The following ARHGAP32 variants were observed in gnomAD, a reference collection of about 807,000 sequenced individuals.
ARHGAP32 encodes rho GTPase-activating protein 32.
Under a neutral mutation model 186.5 loss-of-function variants are expected in ARHGAP32, and 51 were observed. The observed-to-expected ratio is 0.27, with a 90% CI of 0.22 to 0.35. The LOEUF is 0.35. Among genes scored for constraint, ARHGAP32 ranks in the 10% least tolerant of loss-of-function variants. ARHGAP32 has a pLI of 1.00. For missense variants in ARHGAP32, 2,186 were observed against 2,623.5 expected (o/e 0.83, Z 3.64); for synonymous variants, 950 against 964.3 (o/e 0.99, Z 0.27).
intron 1 of ARHGAP32, among the ~76,000 whole-genome samples, chr11:129,272,007 T>G (rs1945479528): frequency 6.6e-6 from 1 of 152,088 alleles, no homozygotes; most frequent in African/African-American, 2.4e-5. Flanking sequence ...GAGGAAGAAG[T>G]CACTGGCAGG....
chr11:128,969,150 G>C lies in ARHGAP32; in HGVS notation c.6063C>G (p.Tyr2021Ter). ...TGCTCTGGCGCTTGCCGTGTGGTTG[G>C]TACTGGTACAGCACACTGGGGTCCC... ...VERDPSVLYQYQPHGKRQSSV... is the reference protein window; with the variant it reads ...VERDPSVLYQ The change falls in exon 23 of 23, where the codon TAC (tyrosine) becomes TAG (stop). Residue 2021 changes from tyrosine to a stop codon, truncating the protein, a stop_gained. Transcript: ENST00000682385. LOFTEE classifies it high-confidence loss of function. This position sits in a 1 kb window ranked among gnomAD's most constrained non-coding sequence, Gnocchi z 4.8. 1 of 1,611,890 alleles carries C rather than the reference G, an allele frequency of 6.2e-7. No individual in the cohort carries two copies. The highest frequency in any genetic ancestry group is 8.5e-7 in the Non-Finnish European group (1 of 1,178,728).
At chr11:128,992,374 C>T (rs1189499750) in intron 12 of ARHGAP32, among the ~76,000 whole-genome samples, 5 of 151,722 alleles carry the variant, frequency 3.3e-5, no homozygotes, top group Admixed American at 6.6e-5. Context: ...AAAAAAAATA[C>T]TAACTCTTAT....
chr11:129,163,929 C>T lies in ARHGAP32; in HGVS notation c.225+390G>A, dbSNP rs189022637. Among the ~76,000 whole-genome samples, 444 of 152,176 alleles carry T rather than the reference C, an allele frequency of 2.9e-3. 4 individuals are homozygous for T. The highest frequency in any genetic ancestry group is 0.01 in the African/African-American group (419 of 41,514). ...CACACTATCCTATTTGTGTTTCTTCCGACTTGTTCTCTAATCCTATGCCAC... is the reference window on the plus strand; with the variant it reads ...CACACTATCCTATTTGTGTTTCTTCTGACTTGTTCTCTAATCCTATGCCAC... On this transcript the variant is annotated intron_variant, in intron 2 of 22. Transcript: ENST00000682385.
chr11:129,034,906 T>C (rs866655570), intron 11 of ARHGAP32, among the ~76,000 whole-genome samples: 2 of 147,074 alleles, frequency 1.4e-5, no homozygotes, highest in South Asian at 2.1e-4. Context: ...TATCAAATAA[T>C]GTAACTGATA....
At chr11:129,122,968 G>A (rs1942569487) in intron 5 of ARHGAP32, among the ~76,000 whole-genome samples, 1 of 152,088 alleles carries the variant, frequency 6.6e-6, no homozygotes, top group African/African-American at 2.4e-5. Context: ...AGCTGCCAAT[G>A]ATATAAGAGC....
chr11:129,212,608 G>A (rs985429640), intron 1 of ARHGAP32, among the ~76,000 whole-genome samples: 1 of 152,014 alleles, frequency 6.6e-6, no homozygotes, highest in East Asian at 1.9e-4. Flanking sequence ...ATACTTATAT[G>A]AATCTACCAC....
intron 1 of ARHGAP32, among the ~76,000 whole-genome samples, chr11:129,266,892 T>G (rs1212394778): frequency 6.6e-6 from 1 of 152,128 alleles, no homozygotes; most frequent in Non-Finnish European, 1.5e-5. Context: ...CTCAGGCCTC[T>G]CCCCTGAGTC....
chr11:129,022,163 AC>A (rs1462141764), intron 11 of ARHGAP32, among the ~76,000 whole-genome samples: 1 of 152,124 alleles, frequency 6.6e-6, no homozygotes, highest in African/African-American at 2.4e-5. Flanking sequence ...ATCAAAGGTA[AC>A]AGGACTACCA....
intron 1 of ARHGAP32, among the ~76,000 whole-genome samples, chr11:129,230,874 C>A (rs1944849858): frequency 6.6e-6 from 1 of 152,148 alleles, no homozygotes; most frequent in Non-Finnish European, 1.5e-5. Flanking sequence ...GTGGCTCACA[C>A]CTGTCATCTC....
intron 5 of ARHGAP32, among the ~76,000 whole-genome samples, chr11:129,097,718 T>C (rs1360919360): frequency 1.3e-5 from 2 of 151,642 alleles, no homozygotes; most frequent in African/African-American, 2.4e-5. Flanking sequence ...AGTACCAGAA[T>C]AAAAAAAGAG....
intron 10 of ARHGAP32, among the ~76,000 whole-genome samples, chr11:129,048,472 A>C (rs1351024798): frequency 6.8e-6 from 1 of 147,824 alleles, no homozygotes; most frequent in African/African-American, 2.5e-5. Flanking sequence ...GGAGTAGTAA[A>C]GTATCTATTT....
At chr11:129,077,904 G>A (rs746120995) in intron 6 of ARHGAP32, among the ~76,000 whole-genome samples, 1 of 152,140 alleles carries the variant, frequency 6.6e-6, no homozygotes, top group East Asian at 1.9e-4. Flanking sequence ...TTAAAAAACT[G>A]CTCTAAGAAA....
chr11:129,017,345 T>C (rs1195138428), intron 11 of ARHGAP32, among the ~76,000 whole-genome samples: 1 of 150,140 alleles, frequency 6.7e-6, no homozygotes, highest in Non-Finnish European at 1.5e-5. Flanking sequence ...TCGCAGCTAC[T>C]CAGCAGGCAG....
At chr11:129,127,215 T>C (rs759629632) in intron 2 of ARHGAP32, among the ~76,000 whole-genome samples, 7 of 152,136 alleles carry the variant, frequency 4.6e-5, no homozygotes, top group Admixed American at 6.5e-5. Flanking sequence ...CACACACCTC[T>C]GCAACCACAA....
intron 6 of ARHGAP32, among the ~76,000 whole-genome samples, chr11:129,091,326 G>T (rs959849503): frequency 7.2e-5 from 11 of 152,046 alleles, no homozygotes; most frequent in Non-Finnish European, 1.3e-4. Flanking sequence ...CTCTAGATTT[G>T]AAGGTTCCAA....
At position 129,191,004 on chromosome 11, in the gene ARHGAP32, C is replaced by T. The variant is rs1317329388; in HGVS notation, c.116+1079G>A. ...AAATATACTTCTCATTTATTTGAACCCCAGAGTAAAAAATTTAGTGAGGGT... is the reference window on the plus strand; with the variant it reads ...AAATATACTTCTCATTTATTTGAACTCCAGAGTAAAAAATTTAGTGAGGGT... On this transcript the variant is annotated intron_variant, in intron 1 of 22. Coordinates refer to ENST00000682385, the MANE Select transcript of ARHGAP32 (RefSeq NM_001378024.1). Among the ~76,000 whole-genome samples, 7 of 151,784 alleles carry T rather than the reference C, an allele frequency of 4.6e-5. No homozygotes were observed. In the East Asian group the frequency reaches 1.3e-3, roughly 29 times the overall value.
At chr11:129,271,582 G>A (rs1945473077) in intron 1 of ARHGAP32, among the ~76,000 whole-genome samples, 1 of 152,046 alleles carries the variant, frequency 6.6e-6, no homozygotes, top group Non-Finnish European at 1.5e-5. Flanking sequence ...AGAGCGCAAG[G>A]GGGAAAAAAG....
In ARHGAP32 at chr11:129,024,014, G is replaced by A. The variant is rs1419318008; in HGVS notation, c.1045+16914C>T. 1.1e-5 allele frequency: 11 copies of A among 985,284 alleles called. No individual in the cohort carries two copies. In the South Asian group the frequency reaches 5.2e-4, roughly 46 times the overall value. 61.0% of individuals were successfully genotyped at this position (985,284 alleles called of 1,614,324 possible). A position where few individuals can be genotyped will look rare whatever the true frequency, so the allele number is the denominator to read the frequency against. On this transcript the variant is annotated intron_variant, in intron 11 of 22. Coordinates refer to ENST00000682385, the MANE Select transcript of ARHGAP32 (RefSeq NM_001378024.1). The stretch of plus-strand genomic sequence containing the variant: ...ACTGGTTCCAACCTCACCACCACAG[G>A]TTAACTTCAAGTTAGGTCCCACATC...
intron 5 of ARHGAP32, among the ~76,000 whole-genome samples, chr11:129,098,854 C>T (rs1941810595): frequency 6.6e-6 from 1 of 152,066 alleles, no homozygotes. Flanking sequence ...ATTACAGGAG[C>T]AGAGTTTTTC....
Sources: gnomAD v4.1 joint callset for allele counts (sites outside exome capture counted in the v4.1 genomes callset) on GRCh38, gnomAD v4.1.1 for gene constraint, Gnocchi (gnomAD v3.1) non-coding constraint, MANE v1.5 for transcripts, NCBI Gene and HGNC (gene_info 2026-07-23, HGNC 2026-07-21) for gene names.